Variants in DSCAML1 observed in about 807,000 individuals in gnomAD.
DSCAML1 encodes the protein cell adhesion molecule DSCAML1.
Under a neutral mutation model 200.5 loss-of-function variants are expected in DSCAML1, and 38 were observed. The observed-to-expected ratio is 0.19, with a 90% CI of 0.15 to 0.25. DSCAML1 has a LOEUF of 0.25. Among genes scored for constraint, DSCAML1 ranks in the 10% least tolerant of loss-of-function variants. DSCAML1 has a pLI of 1.00. For missense variants in DSCAML1, 2,223 were observed against 2,858.8 expected, an observed-to-expected ratio of 0.78 and a Z score of 5.07; for synonymous variants, 1,215 against 1,165.0, an observed-to-expected ratio of 1.04 and a Z score of -0.87.
In DSCAML1 at chr11:117,780,294, A is replaced by AAGAAAGAAAGAAAGAC; in HGVS notation, c.364+198_364+199insGTCTTTCTTTCTTTCT. 9.4e-6 allele frequency among the ~76,000 whole-genome samples: 1 copy of AAGAAAGAAAGAAAGAC among 106,648 alleles called. No homozygotes were observed. Among genetic ancestry groups the AAGAAAGAAAGAAAGAC allele is most frequent in the African/African-American group, 3.1e-5 (1 of 32,142 alleles). 70.0% of individuals were successfully genotyped at this position (106,648 alleles called of 152,430 possible). ...AAAGAAAGAAAGAAAGAAAGAAAGA[A>AAGAAAGAAAGAAAGAC]AGAAAGAAAGAGAGAAAGGAGAAAG... On this transcript the variant is annotated intron_variant, in intron 2 of 32. Coordinates refer to ENST00000651296, the MANE Select transcript of DSCAML1 (RefSeq NM_020693.4). The surrounding 1 kb of genome is among the most constrained non-coding windows in gnomAD (Gnocchi z 4.8).
intron 3 of DSCAML1, among the ~76,000 whole-genome samples, chr11:117,714,504 T>G (rs2053911675): frequency 6.6e-6 from 1 of 151,896 alleles, no homozygotes; most frequent in African/African-American, 2.4e-5. Context: ...ATTACCCACA[T>G]GAAGAAAAGA....
chr11:117,520,153 CCT>C (rs550202361), intron 6 of DSCAML1, among the ~76,000 whole-genome samples: 46 of 152,234 alleles, frequency 3.0e-4, no homozygotes, highest in Non-Finnish European at 5.9e-4. Context: ...AGTGGTGCCT[CCT>C]CTGTGTGGGC....
At chr11:117,474,495 G>A (rs1324071743) in intron 14 of DSCAML1, among the ~76,000 whole-genome samples, 5 of 152,078 alleles carry the variant, frequency 3.3e-5, no homozygotes, top group Admixed American at 3.3e-4. Context: ...ATACCTCCCA[G>A]ATTAATATCC....
In DSCAML1 at chr11:117,707,643, C is replaced by A. The variant is rs371889202; in HGVS notation, c.511+69148G>T. Among the ~76,000 whole-genome samples, 15 of 152,302 alleles carry A rather than the reference C, an allele frequency of 9.8e-5. No homozygotes were observed. In the East Asian group the frequency reaches 2.5e-3, roughly 25 times the overall value. On this transcript the variant is annotated intron_variant, in intron 3 of 32. Coordinates refer to ENST00000651296, the MANE Select transcript of DSCAML1 (RefSeq NM_020693.4). Reference sequence around the variant, plus strand: ...CTGCCTTCCGGGTTCAAGCGATTCTCCTGCCTCAGCCTCCCGAGTAGCTGG... The same window carrying A: ...CTGCCTTCCGGGTTCAAGCGATTCTACTGCCTCAGCCTCCCGAGTAGCTGG...
intron 3 of DSCAML1, among the ~76,000 whole-genome samples, chr11:117,581,326 A>G (rs2137460957): frequency 6.6e-6 from 1 of 152,348 alleles, no homozygotes; most frequent in South Asian, 2.1e-4. Flanking sequence ...TTATTGAGAT[A>G]GAATTTGCAT....
chr11:117,501,238 G>A (rs1427809648), intron 11 of DSCAML1, among the ~76,000 whole-genome samples: 1 of 152,148 alleles, frequency 6.6e-6, no homozygotes, highest in African/African-American at 2.4e-5. Flanking sequence ...GGCAGTAGCT[G>A]GGGCGGGGGG....
intron 15 of DSCAML1, among the ~76,000 whole-genome samples, chr11:117,470,959 A>G (rs980670057): frequency 1.8e-4 from 27 of 152,236 alleles, no homozygotes; most frequent in East Asian, 3.8e-4. Flanking sequence ...TTTATTGCAT[A>G]TACACTGTGG....
intron 3 of DSCAML1, among the ~76,000 whole-genome samples, chr11:117,707,158 C>T (rs775846999): frequency 4.7e-4 from 71 of 152,296 alleles, no homozygotes; most frequent in Middle Eastern, 3.4e-3. Context: ...CATGAATGCC[C>T]TCAGCCCAGA....
intron 4 of DSCAML1, among the ~76,000 whole-genome samples, chr11:117,527,042 G>T (rs1366469035): frequency 6.6e-6 from 1 of 151,912 alleles, no homozygotes; most frequent in African/African-American, 2.4e-5. Context: ...ACAAGCCTGT[G>T]GTCCTGGCTA....
intron 4 of DSCAML1, among the ~76,000 whole-genome samples, chr11:117,527,818 G>A (rs1294201076): frequency 6.6e-6 from 1 of 152,152 alleles, no homozygotes; most frequent in East Asian, 1.9e-4. Flanking sequence ...CCTCTCTAGG[G>A]GAAAGAATCT....
intron 3 of DSCAML1, among the ~76,000 whole-genome samples, chr11:117,542,933 G>T (rs911723116): frequency 3.9e-5 from 6 of 152,166 alleles, no homozygotes; most frequent in Admixed American, 3.9e-4. Flanking sequence ...CTGCATGCTG[G>T]GGGTGCTTTG....
At chr11:117,691,697 G>C (rs1235042270) in intron 3 of DSCAML1, among the ~76,000 whole-genome samples, 10 of 152,150 alleles carry the variant, frequency 6.6e-5, no homozygotes, top group Non-Finnish European at 1.3e-4. Context: ...GTGTAATGTT[G>C]TTTAAAAGCC....
At chr11:117,514,320 G>C (rs2049710492) in intron 8 of DSCAML1, among the ~76,000 whole-genome samples, 1 of 152,206 alleles carries the variant, frequency 6.6e-6, no homozygotes, top group Admixed American at 6.5e-5. Context: ...ATGCTCAGGA[G>C]AGGGAAGCCC....
intron 5 of DSCAML1, 25 bp from the exon 6 acceptor site, chr11:117,521,430 G>C: frequency 6.2e-7 from 1 of 1,604,186 alleles, no homozygotes; most frequent in South Asian, 1.1e-5. Context: ...GGAGACGTGA[G>C]GGGAAATGGG....
At chr11:117,512,891 G>A (rs1043806788) in intron 8 of DSCAML1, among the ~76,000 whole-genome samples, 3 of 151,868 alleles carry the variant, frequency 2.0e-5, no homozygotes, top group Admixed American at 6.6e-5. Context: ...GCGAGTCGCC[G>A]AGACGGAATG....
chr11:117,700,990 G>A (rs1406860566), intron 3 of DSCAML1, among the ~76,000 whole-genome samples: 1 of 152,230 alleles, frequency 6.6e-6, no homozygotes, highest in Admixed American at 6.5e-5. Context: ...ACTGGGCCAG[G>A]TGCGGTGGCT....
At position 117,503,242 on chromosome 11, in the gene DSCAML1, ATCC is replaced by A. The variant is rs765239905; in HGVS notation, c.2359+600_2359+602del. Among the ~76,000 whole-genome samples, 2 of 152,196 alleles carry A rather than the reference ATCC, an allele frequency of 1.3e-5. No homozygotes were observed. The highest frequency in any genetic ancestry group is 6.5e-5 in the Admixed American group (1 of 15,278). ...ATTGGTCCTTGGGCTTTTCTGAAGC[ATCC>A]TCCTCTTTCCAAGATCAGTTCCTGC... On this transcript the variant is annotated intron_variant, in intron 11 of 32. Coordinates refer to ENST00000651296, the MANE Select transcript of DSCAML1 (RefSeq NM_020693.4). The surrounding 1 kb of genome is among the most constrained non-coding windows in gnomAD (Gnocchi z 5.2).
Position 117,648,801 on chromosome 11 carries a change from C to T in DSCAML1, c.512-116279G>A, listed in dbSNP as rs376150951. Among the ~76,000 whole-genome samples the T allele has an allele frequency of 8.2e-4, 125 of 152,240 alleles. 5 individuals carry two copies. The South Asian group carries it at 0.024, about 29-fold the overall frequency. ...CCAGGTGGCCCAGAATCCAAGGCGG[C>T]GCCTTCTCCAGAGATAGGAGGTAAA... On this transcript the variant is annotated intron_variant, in intron 3 of 32. Coordinates refer to ENST00000651296, the MANE Select transcript of DSCAML1 (RefSeq NM_020693.4).
At chr11:117,623,045 C>A (rs1591332146) in intron 3 of DSCAML1, among the ~76,000 whole-genome samples, 2 of 152,206 alleles carry the variant, frequency 1.3e-5, no homozygotes, top group East Asian at 3.9e-4. Flanking sequence ...GCTCTACGGT[C>A]TCAGGCAGGT....
Sources: allele counts gnomAD v4.1 joint callset (sites outside exome capture counted in the v4.1 genomes callset), GRCh38; gene constraint gnomAD v4.1.1; non-coding constraint Gnocchi (gnomAD v3.1); transcripts MANE v1.5; gene names NCBI Gene and HGNC (gene_info 2026-07-23, HGNC 2026-07-21).